The following CD164 variants were observed in gnomAD, a reference collection of about 807,000 sequenced individuals.
The protein encoded by CD164 is sialomucin core protein 24.
CD164 carries 11 observed loss-of-function variants against 24.6 expected under a neutral mutation model. The ratio of observed to expected loss-of-function variants is 0.45; its 90% CI spans 0.28 to 0.74. The LOEUF is 0.74. CD164 is among the 30% of genes least tolerant of loss of function. CD164 has a pLI of 0.13. For synonymous variants in CD164, 126 were observed against 100.3 expected, an observed-to-expected ratio of 1.26 and a Z score of -1.53; for missense variants, 295 against 243.7, an observed-to-expected ratio of 1.21 and a Z score of -1.40.
intron 2 of CD164, among the ~76,000 whole-genome samples, chr6:109,378,403 G>A (rs1049407235): frequency 6.6e-6 from 1 of 151,334 alleles, no homozygotes; most frequent in African/African-American, 2.4e-5. Context: ...CCAATATGGT[G>A]AGACCCTGCC....
chr6:109,375,946 A>T (rs537979235), intron 4 of CD164, 128 bp downstream of exon 4: 1 of 705,180 alleles, frequency 1.4e-6, no homozygotes, highest in African/African-American at 1.9e-5. Context: ...GCTGTGGTCC[A>T]AGACTTTTAA....
intron 4 of CD164, among the ~76,000 whole-genome samples, chr6:109,374,516 A>G (rs1405285466): frequency 6.6e-6 from 1 of 152,016 alleles, no homozygotes; most frequent in Non-Finnish European, 1.5e-5. Flanking sequence ...AGGCTATCTA[A>G]TCTCCTGAGT....
chr6:109,372,353 AC>A (rs1186808777), intron 4 of CD164: 1 of 152,188 alleles, frequency 6.6e-6, no homozygotes, highest in Non-Finnish European at 1.5e-5. Context: ...CAGGCTGACT[AC>A]CCATAATCCC....
intron 4 of CD164, chr6:109,371,321 GCTCACTGCAAC>G (rs1456144878): frequency 1.2e-4 from 18 of 151,858 alleles, no homozygotes; most frequent in Admixed American, 9.9e-4. Context: ...TGCATTCTCA[GCTCACTGCAAC>G]CTCCGCCTCC....
chr6:109,370,420 T>C lies in CD164; in HGVS notation c.418A>G (p.Thr140Ala). The C allele has an allele frequency of 6.2e-7, 1 of 1,612,240 alleles. No homozygotes were observed. The highest frequency in any genetic ancestry group is 8.5e-7 in the Non-Finnish European group (1 of 1,178,466). Residue 140 changes from threonine to alanine, a missense_variant, in exon 5 of 6, where the codon ACT (threonine) becomes GCT (alanine). Transcript: ENST00000310786. ...AAAAAGCCTCAATTACCTGATGTAG[T>C]AACTGTCTTGGAAGTTGTAGAAGGG... ...PSPSTTSKTV[T>A]TSGTTNNTVT...
At chr6:109,375,757 G>A (rs1226248901) in intron 4 of CD164, 2 of 260,602 alleles carry the variant, frequency 7.7e-6, no homozygotes, top group African/African-American at 4.4e-5. Context: ...TGGTTGCTCT[G>A]GATGATGAGA....
At chr6:109,381,806 G>T (rs1424222572) in intron 1 of CD164, 3 of 559,786 alleles carry the variant, frequency 5.4e-6, no homozygotes, top group Non-Finnish European at 6.3e-6. Context: ...GAGGCAGCTC[G>T]GCCCCACCGC....
chr6:109,380,286 T>C (rs572961126), intron 1 of CD164: 1 of 152,230 alleles, frequency 6.6e-6, no homozygotes, highest in Non-Finnish European at 1.5e-5. Flanking sequence ...TAGTTCATCC[T>C]AGGCCAAACA....
intron 3 of CD164, among the ~76,000 whole-genome samples, chr6:109,376,321 C>T (rs1386645358): frequency 1.3e-5 from 2 of 152,192 alleles, no homozygotes; most frequent in African/African-American, 4.8e-5. Flanking sequence ...TCAACACCTC[C>T]CTTCCTCCTG....
chr6:109,382,257 T>C lies in CD164; in HGVS notation c.122A>G (p.Asn41Ser), dbSNP rs769434117. ...PNVTTLAPISNVTSAPVTSLP... is the reference protein window; with the variant it reads ...PNVTTLAPISSVTSAPVTSLP... ...GGACGTCACCGGCGCCGAGGTTACG[T>C]TGGAGATGGGCGCTAAAGTCGTCAC... Residue 41 changes from asparagine (N) to serine (S), a missense_variant, in exon 1 of 6, where the codon AAC (asparagine) becomes AGC (serine). Coordinates refer to ENST00000310786, the MANE Select transcript of CD164 (RefSeq NM_006016.6). 3.1e-6 allele frequency: 5 copies of C among 1,587,780 alleles called. No homozygotes were observed. The Admixed American group carries it at 8.8e-5, about 28-fold the overall frequency.
At chr6:109,369,089 G>C in intron 5 of CD164, 72 bp from the exon 6 acceptor site, 2 of 1,330,694 alleles carry the variant, frequency 1.5e-6, no homozygotes, top group Non-Finnish European at 2.1e-6. Flanking sequence ...AGATGCACCT[G>C]AGCCTCTATT....
Position 109,367,256 on chromosome 6 carries a change from G to A in CD164, c.*1595C>T, listed in dbSNP as rs1178690063. 1.3e-5 allele frequency: 2 copies of A among 152,534 alleles called. No homozygotes were observed. The highest frequency in any genetic ancestry group is 2.1e-4 in the South Asian group (1 of 4,830). The allele number at this position is 152,534 out of a possible 1,614,324, so 9.4% of individuals were successfully genotyped here. On this transcript the variant is annotated 3_prime_UTR_variant, in exon 6 of 6. Transcript: ENST00000310786. ...AAGTAAAACAAACAGCTGTACCAAC[G>A]AGTAACAAAGAAACAGTAAATCTTC...
At chr6:109,379,313 C>G (rs1240976799) in intron 2 of CD164, among the ~76,000 whole-genome samples, 2 of 152,160 alleles carry the variant, frequency 1.3e-5, no homozygotes, top group Non-Finnish European at 2.9e-5. Context: ...TCAAGACCAA[C>G]CTGGGTAACA....
chr6:109,380,366 T>G (rs1771667900), intron 1 of CD164: 1 of 152,230 alleles, frequency 6.6e-6, no homozygotes, highest in Non-Finnish European at 1.5e-5. Flanking sequence ...TTGGGCTCTA[T>G]TTTCCAGTGA....
At chr6:109,372,881 G>GT (rs904898391) in intron 4 of CD164, 1 of 152,040 alleles carries the variant, frequency 6.6e-6, no homozygotes, top group African/African-American at 2.4e-5. Flanking sequence ...TCAGAACAAG[G>GT]TAAAAACTAT....
chr6:109,381,568 T>C (rs1200884919), intron 1 of CD164: 1 of 702,598 alleles, frequency 1.4e-6, no homozygotes. Flanking sequence ...CTTTTCTTCC[T>C]TTTCGCATAC....
rs931343298 is a variant in CD164 at position 109,371,255 on chromosome 6, C to CT, written c.371-789dup. 692 of 146,466 alleles carry CT rather than the reference C, an allele frequency of 4.7e-3. 2 individuals carry two copies. Among genetic ancestry groups the CT allele is most frequent in the East Asian group, 8.7e-3 (44 of 5,054 alleles). 9.1% of individuals were successfully genotyped at this position (146,466 alleles called of 1,614,324 possible). A position where few individuals can be genotyped will look rare whatever the true frequency, so the allele number is the denominator to read the frequency against. On this transcript the variant is annotated intron_variant, in intron 4 of 5. Coordinates refer to ENST00000310786, the MANE Select transcript of CD164 (RefSeq NM_006016.6). ...AAATCATTTTAGGGACTAAAGCACT[C>CT]TTTTTTTTTTTTTGAGATGGAGTCT... is the stretch of plus-strand genomic sequence containing the variant.
intron 4 of CD164, chr6:109,371,901 T>C (rs1380134630): frequency 1.3e-5 from 2 of 152,402 alleles, no homozygotes; most frequent in East Asian, 1.9e-4. Context: ...TGGGGAAAGA[T>C]GAGGAAGATT....
chr6:109,379,501 ATAACT>A (rs1562243331), intron 2 of CD164, 73 bp downstream of exon 2: 2 of 1,070,510 alleles, frequency 1.9e-6, no homozygotes, highest in African/African-American at 3.2e-5. Context: ...AATGTCCTAC[ATAACT>A]TTCAAGTGTT....
Sources: gnomAD v4.1 joint callset for allele counts (sites outside exome capture counted in the v4.1 genomes callset) on GRCh38, gnomAD v4.1.1 for gene constraint, MANE v1.5 for transcripts, NCBI Gene and HGNC (gene_info 2026-07-23, HGNC 2026-07-21) for gene names.